ITGB6: variants seen among roughly 807,000 people sequenced by gnomAD.
ITGB6 encodes integrin beta-6.
In ITGB6, 80 loss-of-function variants were observed where a neutral mutation model predicts 84.5. The ratio of observed to expected loss-of-function variants is 0.95; its 90% confidence interval spans 0.79 to 1.14. The LOEUF is 1.14. Ranked by LOEUF, ITGB6 falls within the 50% of genes most tolerant of loss-of-function variation. The pLI is 0.00. For missense variants in ITGB6, 1,006 were observed against 968.0 expected (o/e 1.04, Z -0.52); for synonymous variants, 383 against 354.9 (o/e 1.08, Z -0.89).
Position 160,138,175 on chromosome 2 carries a change from C to T in ITGB6, c.1132G>A (p.Glu378Lys), listed in dbSNP as rs757370505. The T allele has an allele frequency of 6.2e-7, 1 of 1,612,434 alleles. No homozygotes were observed. The highest frequency in any genetic ancestry group is 8.5e-7 in the Non-Finnish European group (1 of 1,179,594). The part of the protein sequence containing the change: ...YEELRSEVEL[E>K]VLGDTEGLNL... The stretch of plus-strand genomic sequence containing the variant: ...AGTCCTTCAGTGTCTCCTAATACTT[C>T]CAGTTCCACCTCAGACCGCAGTTCC... The change falls in exon 9 of 15, where the codon GAA (glutamate) becomes AAA (lysine). Residue 378 changes from glutamate to lysine, a missense_variant. Coordinates refer to ENST00000283249, the MANE Select transcript of ITGB6 (RefSeq NM_000888.5).
At chr2:160,154,222 G>A (rs901383515) in intron 7 of ITGB6, among the ~76,000 whole-genome samples, 2 of 152,190 alleles carry the variant, frequency 1.3e-5, no homozygotes, top group Non-Finnish European at 2.9e-5. Flanking sequence ...AGAAAATGTG[G>A]CACATATACA....
At chr2:160,155,694 G>A (rs1001336716) in intron 7 of ITGB6, among the ~76,000 whole-genome samples, 1 of 152,176 alleles carries the variant, frequency 6.6e-6, no homozygotes, top group African/African-American at 2.4e-5. Context: ...GAGGCACTCA[G>A]TGGGAGGAAA....
intron 6 of ITGB6, among the ~76,000 whole-genome samples, chr2:160,169,829 T>A (rs1685138048): frequency 6.6e-6 from 1 of 152,250 alleles, no homozygotes; most frequent in Non-Finnish European, 1.5e-5. Context: ...GGGTTTGGTT[T>A]TACTGCCATT....
intron 10 of ITGB6, among the ~76,000 whole-genome samples, chr2:160,131,980 G>T (rs1225405186): frequency 2.6e-5 from 4 of 152,130 alleles, no homozygotes; most frequent in African/African-American, 9.7e-5. Context: ...TTTGATCCAA[G>T]ATTTAAAGGG....
chr2:160,155,806 A>C (rs1004982664), intron 7 of ITGB6, among the ~76,000 whole-genome samples: 5 of 152,210 alleles, frequency 3.3e-5, no homozygotes, highest in African/African-American at 1.2e-4. Context: ...ATGGATATGC[A>C]AGTGGCAAAT....
intron 10 of ITGB6, 99 bp downstream of exon 10, chr2:160,137,335 C>T: frequency 2.7e-6 from 3 of 1,099,502 alleles, no homozygotes; most frequent in South Asian, 1.5e-5. Context: ...ATTTATTGAG[C>T]ACCTACTGTG....
At chr2:160,131,879 T>TC (rs919122805) in intron 10 of ITGB6, among the ~76,000 whole-genome samples, 7 of 152,098 alleles carry the variant, frequency 4.6e-5, no homozygotes, top group Admixed American at 3.9e-4. Context: ...TTATTTCTGT[T>TC]CCTCATGCAT....
At chr2:160,122,391 TC>T (rs1372809665) in intron 12 of ITGB6, among the ~76,000 whole-genome samples, 1 of 152,220 alleles carries the variant, frequency 6.6e-6, no homozygotes, top group African/African-American at 2.4e-5. Flanking sequence ...CTCCTTTTTT[TC>T]CTCAACACAT....
At chr2:160,197,907 G>A (rs1408319443) in intron 2 of ITGB6, among the ~76,000 whole-genome samples, 2 of 152,292 alleles carry the variant, frequency 1.3e-5, no homozygotes, top group African/African-American at 4.8e-5. Context: ...GCCTCGACTG[G>A]CATCCTCATA....
At chr2:160,115,146 T>C (rs1488316562) in intron 12 of ITGB6, among the ~76,000 whole-genome samples, 3 of 152,038 alleles carry the variant, frequency 2.0e-5, no homozygotes, top group Non-Finnish European at 2.9e-5. Context: ...TTGAAGAGAG[T>C]AGTGGTTCTC....
chr2:160,124,819 G>A (rs921311544), intron 11 of ITGB6, among the ~76,000 whole-genome samples: 2 of 152,212 alleles, frequency 1.3e-5, no homozygotes, highest in Non-Finnish European at 2.9e-5. Flanking sequence ...TTCCTTTGCA[G>A]TGGAAGCCTC....
At chr2:160,111,822 C>T (rs1483848627) in intron 13 of ITGB6, among the ~76,000 whole-genome samples, 1 of 152,020 alleles carries the variant, frequency 6.6e-6, no homozygotes, top group Non-Finnish European at 1.5e-5. Flanking sequence ...TCAAGTGACC[C>T]ACCCTCCTCG....
At chr2:160,182,641 A>T (rs1228936132) in intron 4 of ITGB6, among the ~76,000 whole-genome samples, 2 of 152,160 alleles carry the variant, frequency 1.3e-5, no homozygotes, top group Non-Finnish European at 2.9e-5. Context: ...AAATACAGAG[A>T]AAACCACAAA....
chr2:160,117,637 T>C (rs965004999), intron 12 of ITGB6, among the ~76,000 whole-genome samples: 3 of 152,028 alleles, frequency 2.0e-5, no homozygotes, highest in Non-Finnish European at 2.9e-5. Context: ...ATTCAAAAGC[T>C]AGCAGAAGGC....
intron 12 of ITGB6, among the ~76,000 whole-genome samples, chr2:160,122,329 T>C (rs543241668): frequency 6.6e-6 from 1 of 152,336 alleles, no homozygotes; most frequent in South Asian, 2.1e-4. Flanking sequence ...TGTACTTAAA[T>C]ATAGTAAGTA....
At chr2:160,163,079 A>G (rs908071860) in intron 7 of ITGB6, among the ~76,000 whole-genome samples, 1 of 152,096 alleles carries the variant, frequency 6.6e-6, no homozygotes, top group Non-Finnish European at 1.5e-5. Flanking sequence ...TGCTGACCCA[A>G]TGCATAGTGT....
chr2:160,194,258 T>C (rs1686248409), intron 4 of ITGB6, among the ~76,000 whole-genome samples: 1 of 152,190 alleles, frequency 6.6e-6, no homozygotes, highest in African/African-American at 2.4e-5. Flanking sequence ...TTACAATCAT[T>C]GATAAATTTC....
At chr2:160,172,168 A>G (rs1333413224) in intron 6 of ITGB6, among the ~76,000 whole-genome samples, 2 of 152,256 alleles carry the variant, frequency 1.3e-5, no homozygotes, top group Non-Finnish European at 2.9e-5. Context: ...GTTGTTACCC[A>G]TGGAACATGA....
intron 12 of ITGB6, among the ~76,000 whole-genome samples, chr2:160,122,643 C>T (rs1375797406): frequency 6.6e-6 from 1 of 152,116 alleles, no homozygotes; most frequent in African/African-American, 2.4e-5. Context: ...CCATTTTGTC[C>T]AATTTACTGC....
Sources: gnomAD v4.1 joint callset for allele counts (sites outside exome capture counted in the v4.1 genomes callset) on GRCh38, gnomAD v4.1.1 for gene constraint, MANE v1.5 for transcripts, NCBI Gene and HGNC (gene_info 2026-07-23, HGNC 2026-07-21) for gene names.